The following ZNF804B variants were observed in gnomAD, a reference collection of about 807,000 sequenced individuals.
ZNF804B encodes zinc finger protein 804B.
Under a neutral mutation model 101.4 loss-of-function variants are expected in ZNF804B, and 80 were observed. The ratio of observed to expected loss-of-function variants is 0.79; its 90% CI spans 0.66 to 0.95. The LOEUF is 0.95. Ranked by LOEUF, ZNF804B falls within the 40% of genes least tolerant of loss-of-function variation. ZNF804B has a pLI of 0.00. For synonymous variants in ZNF804B, 622 were observed against 558.8 expected, an observed-to-expected ratio of 1.11 and a Z score of -1.59; for missense variants, 1,673 against 1,561.9, an observed-to-expected ratio of 1.07 and a Z score of -1.20.
chr7:89,221,697 T>TTGTATTCTATTCTATTCTATTCTAG lies in ZNF804B; in HGVS notation c.249+3403_249+3404insGTATTCTATTCTATTCTATTCTAGT, dbSNP rs1562920947. ...TAAACAACCTTCCTCAATATTTCTA[T>TTGTATTCTATTCTATTCTATTCTAG]TCTATTCTATTCTATTCTATTCTAT... On this transcript the variant is annotated intron_variant, in intron 2 of 3. Transcript: ENST00000333190. Among the ~76,000 whole-genome samples, 5 of 58,218 alleles carry TTGTATTCTATTCTATTCTATTCTAG rather than the reference T, an allele frequency of 8.6e-5. No homozygotes were observed. In the East Asian group the frequency reaches 2.3e-3, roughly 27 times the overall value. The allele number at this position is 58,218 out of a possible 152,430, so 38.2% of individuals were successfully genotyped here. A position where few individuals can be genotyped will look rare whatever the true frequency, so the allele number is the denominator to read the frequency against.
At chr7:89,196,422 C>T (rs1413079429) in intron 1 of ZNF804B, among the ~76,000 whole-genome samples, 1 of 152,052 alleles carries the variant, frequency 6.6e-6, no homozygotes, top group Non-Finnish European at 1.5e-5. Context: ...GCTGGCTAGC[C>T]ATATGCAGAA....
intron 2 of ZNF804B, among the ~76,000 whole-genome samples, chr7:89,297,866 A>G (rs1442317552): frequency 1.3e-5 from 2 of 151,632 alleles, no homozygotes; most frequent in African/African-American, 4.8e-5. Flanking sequence ...GGAAATTTAG[A>G]TAGCACTATT....
At chr7:89,178,989 C>T (rs1788250061) in intron 1 of ZNF804B, among the ~76,000 whole-genome samples, 1 of 152,074 alleles carries the variant, frequency 6.6e-6, no homozygotes, top group African/African-American at 2.4e-5. Context: ...ATATGTCATG[C>T]CACTCTCCTA....
Position 88,931,584 on chromosome 7 carries a change from T to A in ZNF804B, c.108+171500T>A, listed in dbSNP as rs78883483. ...ATAAGGGATAATGGACATATCTCCT[T>A]AGTGTAATCTGGCATAAACATCTTA... On this transcript the variant is annotated intron_variant, in intron 1 of 3. Coordinates refer to ENST00000333190, the MANE Select transcript of ZNF804B (RefSeq NM_181646.5). Among the ~76,000 whole-genome samples the A allele has an allele frequency of 2.7e-3, 417 of 152,036 alleles. 5 individuals carry two copies. Among genetic ancestry groups the A allele is most frequent in the African/African-American group, 9.7e-3 (405 of 41,556 alleles).
At chr7:89,042,103 A>T (rs1278455895) in intron 1 of ZNF804B, among the ~76,000 whole-genome samples, 1 of 152,186 alleles carries the variant, frequency 6.6e-6, no homozygotes, top group Non-Finnish European at 1.5e-5. Flanking sequence ...AATAGTAGCA[A>T]GTATTGGTAA....
At chr7:88,776,302 C>A (rs1382310746) in intron 1 of ZNF804B, among the ~76,000 whole-genome samples, 1 of 152,130 alleles carries the variant, frequency 6.6e-6, no homozygotes, top group Admixed American at 6.5e-5. Context: ...ATTGTTGTAT[C>A]AAATTGTTGA....
chr7:88,986,740 C>G (rs2116144458), intron 1 of ZNF804B, among the ~76,000 whole-genome samples: 1 of 152,186 alleles, frequency 6.6e-6, no homozygotes, highest in East Asian at 1.9e-4. Context: ...CTTATCATGG[C>G]CTATTTCTAG....
chr7:89,248,678 C>T (rs1789488551), intron 2 of ZNF804B, among the ~76,000 whole-genome samples: 1 of 151,972 alleles, frequency 6.6e-6, no homozygotes, highest in Non-Finnish European at 1.5e-5. Context: ...CCTGCTACCA[C>T]AAAAATACAC....
chr7:89,122,945 C>A (rs1442835399), intron 1 of ZNF804B, among the ~76,000 whole-genome samples: 1 of 152,020 alleles, frequency 6.6e-6, no homozygotes, highest in African/African-American at 2.4e-5. Flanking sequence ...ATCTGCCTTC[C>A]GCCTAATCTG....
At chr7:89,149,793 G>T (rs1790844093) in intron 1 of ZNF804B, among the ~76,000 whole-genome samples, 1 of 151,266 alleles carries the variant, frequency 6.6e-6, no homozygotes, top group Admixed American at 6.6e-5. Flanking sequence ...AGGAGCAAGA[G>T]GCTTTTGCAG....
At chr7:89,154,178 G>A (rs1190307052) in intron 1 of ZNF804B, among the ~76,000 whole-genome samples, 3 of 152,206 alleles carry the variant, frequency 2.0e-5, no homozygotes, top group African/African-American at 7.2e-5. Flanking sequence ...TAAAACTACA[G>A]TGAGATATCA....
intron 1 of ZNF804B, among the ~76,000 whole-genome samples, chr7:89,101,554 A>G (rs1377853636): frequency 2.0e-5 from 3 of 152,086 alleles, no homozygotes; most frequent in Non-Finnish European, 4.4e-5. Flanking sequence ...TGAAAAATTC[A>G]ATTTCTCACA....
At chr7:89,040,394 C>G (rs547917506) in intron 1 of ZNF804B, among the ~76,000 whole-genome samples, 1 of 151,952 alleles carries the variant, frequency 6.6e-6, no homozygotes, top group Non-Finnish European at 1.5e-5. Flanking sequence ...TTCTACTTGA[C>G]TGAGCTATCT....
chr7:89,156,022 TTC>T (rs1790960752), intron 1 of ZNF804B, among the ~76,000 whole-genome samples: 2 of 30,258 alleles, frequency 6.6e-5, no homozygotes, highest in Admixed American at 6.3e-4. Flanking sequence ...TCTCTTTCCT[TTC>T]TTTCTTTCTT....
intron 1 of ZNF804B, among the ~76,000 whole-genome samples, chr7:88,821,568 T>G (rs1790981871): frequency 6.6e-6 from 1 of 152,218 alleles, no homozygotes; most frequent in African/African-American, 2.4e-5. Flanking sequence ...CGTGCAAGGT[T>G]ATTGTAAACT....
intron 1 of ZNF804B, among the ~76,000 whole-genome samples, chr7:89,158,111 A>C (rs1337570384): frequency 6.6e-6 from 1 of 152,126 alleles, no homozygotes; most frequent in African/African-American, 2.4e-5. Context: ...GGGCTTAACA[A>C]AAGGATGCAT....
chr7:89,177,600 A>T (rs1791340449), intron 1 of ZNF804B, among the ~76,000 whole-genome samples: 1 of 152,220 alleles, frequency 6.6e-6, no homozygotes, highest in Admixed American at 6.5e-5. Context: ...ATGACATGTT[A>T]TATAGACATC....
chr7:88,879,041 A>G (rs1526251), intron 1 of ZNF804B, among the ~76,000 whole-genome samples: 66,835 of 151,974 alleles, frequency 0.44, 16,057 homozygotes, highest in African/African-American at 0.63. Flanking sequence ...AGAAGAAGAA[A>G]TGTTGGCAGA....
intron 1 of ZNF804B, among the ~76,000 whole-genome samples, chr7:88,818,841 A>C (rs987120273): frequency 8.5e-5 from 13 of 152,150 alleles, no homozygotes; most frequent in Admixed American, 3.9e-4. Context: ...CTGCTCATGA[A>C]ATCACTCAAT....
Sources: gnomAD v4.1 joint callset for allele counts (sites outside exome capture counted in the v4.1 genomes callset) on GRCh38, gnomAD v4.1.1 for gene constraint, MANE v1.5 for transcripts, NCBI Gene and HGNC (gene_info 2026-07-23, HGNC 2026-07-21) for gene names.